CAGE1: variants seen among roughly 807,000 people sequenced by gnomAD.
The protein encoded by CAGE1 is cancer antigen 1, also known as cancer-associated gene 1 protein.
CAGE1 carries 66 observed loss-of-function variants against 94.9 expected under a neutral mutation model. That is an observed-to-expected ratio of 0.70 (90% CI 0.57 to 0.85). The LOEUF (loss-of-function observed/expected upper bound fraction) is 0.85, where lower values mean the gene tolerates loss of function less well. Among genes scored for constraint, CAGE1 ranks in the 40% least tolerant of loss-of-function variants. CAGE1 has a pLI of 0.00. For missense variants in CAGE1, 865 were observed against 950.4 expected, an observed-to-expected ratio of 0.91 and a Z score of 1.18; for synonymous variants, 319 against 321.0, an observed-to-expected ratio of 0.99 and a Z score of 0.07.
intron 11 of CAGE1, among the ~76,000 whole-genome samples, chr6:7,352,316 CAA>C (rs70978959): frequency 6.5e-5 from 6 of 91,874 alleles, no homozygotes; most frequent in Admixed American, 3.3e-4. Flanking sequence ...CAAAAAAAAA[CAA>C]AAAAAAAAAA....
Position 7,373,583 on chromosome 6 carries a change from C to A in CAGE1, c.1236G>T (p.Lys412Asn), listed in dbSNP as rs760183390. ...GTAAACACACATAATTAGCCTTGAT[C>A]TTCTTAAATTGAAGCTGTAACATTT... ...DKEMLQLQFK[K>N]IKANYVCLQE... is the part of the protein sequence containing the mutation. Residue 412 changes from lysine (K) to asparagine (N), a missense_variant, in exon 5 of 14, where the codon AAG (lysine) becomes AAT (asparagine). By Grantham distance (94) the Lys-to-Asn change is moderately conservative. Transcript: ENST00000502583. 7.4e-6 allele frequency: 12 copies of A among 1,613,266 alleles called. No individual in the cohort carries two copies. The highest frequency in any genetic ancestry group is 7.6e-6 in the Non-Finnish European group (9 of 1,179,744).
chr6:7,375,073 A>G (rs2113456248), intron 4 of CAGE1, among the ~76,000 whole-genome samples: 1 of 151,376 alleles, frequency 6.6e-6, no homozygotes, highest in East Asian at 1.9e-4. Flanking sequence ...AAAAATAAAA[A>G]AAGACAGTAA....
At chr6:7,343,198 A>AAAAAAAGAAAAG (rs574460085) in intron 11 of CAGE1, among the ~76,000 whole-genome samples, 3 of 137,318 alleles carry the variant, frequency 2.2e-5, no homozygotes, top group African/African-American at 5.7e-5. Flanking sequence ...CACAAAAAAA[A>AAAAAAAGAAAAG]AAAAGAAAAG....
chr6:7,331,734 C>T (rs544886698), intron 12 of CAGE1: 107 of 166,922 alleles, frequency 6.4e-4, no homozygotes, highest in Non-Finnish European at 1.0e-3. Flanking sequence ...ACTTGGGCTC[C>T]TCTCCCGCTT....
chr6:7,332,636 C>A (rs751027400), intron 12 of CAGE1, among the ~76,000 whole-genome samples: 1 of 152,174 alleles, frequency 6.6e-6, no homozygotes, highest in African/African-American at 2.4e-5. Flanking sequence ...CGTTTCAAAG[C>A]TCTTTAGGTG....
chr6:7,359,293 C>T (rs1354450682), intron 9 of CAGE1, among the ~76,000 whole-genome samples: 1 of 152,180 alleles, frequency 6.6e-6, no homozygotes, highest in African/African-American at 2.4e-5. Flanking sequence ...GTGATCCACC[C>T]ACCTCGGCCT....
chr6:7,370,868 G>A (rs966293588), intron 5 of CAGE1, among the ~76,000 whole-genome samples: 5 of 152,056 alleles, frequency 3.3e-5, no homozygotes, highest in Non-Finnish European at 2.9e-5. Context: ...AAATACTTTT[G>A]ACTTCACAGA....
At chr6:7,367,792 G>C (rs1760403423) in intron 7 of CAGE1, among the ~76,000 whole-genome samples, 1 of 152,128 alleles carries the variant, frequency 6.6e-6, no homozygotes, top group African/African-American at 2.4e-5. Context: ...TTCCAGGTTT[G>C]AATACGTTTT....
intron 9 of CAGE1, among the ~76,000 whole-genome samples, chr6:7,363,926 C>T (rs1213273193): frequency 6.6e-6 from 1 of 152,164 alleles, no homozygotes; most frequent in Non-Finnish European, 1.5e-5. Flanking sequence ...CTTTTAATAG[C>T]TTACATTCTT....
At chr6:7,384,878 A>G (rs1360803078) in intron 3 of CAGE1, among the ~76,000 whole-genome samples, 3 of 152,058 alleles carry the variant, frequency 2.0e-5, no homozygotes, top group Admixed American at 2.0e-4. Flanking sequence ...TTGTATTTTT[A>G]GTAGAGACGG....
intron 4 of CAGE1, among the ~76,000 whole-genome samples, chr6:7,377,804 T>C (rs1448113781): frequency 2.0e-5 from 3 of 152,146 alleles, no homozygotes; most frequent in Admixed American, 6.5e-5. Flanking sequence ...TTTTATCTAT[T>C]TTCCCATACC....
chr6:7,343,198 A>AAAAAAGAAAAGAAAAGAAAAGAAAAG (rs574460085), intron 11 of CAGE1, among the ~76,000 whole-genome samples: 2 of 137,358 alleles, frequency 1.5e-5, no homozygotes, highest in African/African-American at 2.8e-5. Context: ...CACAAAAAAA[A>AAAAAAGAAAAGAAAAGAAAAGAAAAG]AAAAGAAAAG....
chr6:7,365,307 AC>A (rs1308932734), intron 9 of CAGE1, among the ~76,000 whole-genome samples, 160 bp downstream of exon 9: 2 of 152,210 alleles, frequency 1.3e-5, no homozygotes, highest in Non-Finnish European at 2.9e-5. Context: ...CAAAATGCAA[AC>A]TTCGATTCTA....
intron 3 of CAGE1, 134 bp downstream of exon 3, chr6:7,385,651 C>T (rs1314687097): frequency 4.6e-6 from 2 of 431,988 alleles, no homozygotes; most frequent in Non-Finnish European, 4.0e-6. Context: ...ATTCTTATTT[C>T]AATAAGATTT....
intron 11 of CAGE1, among the ~76,000 whole-genome samples, chr6:7,347,049 T>A (rs975028536): frequency 6.6e-6 from 1 of 152,306 alleles, no homozygotes; most frequent in African/African-American, 2.4e-5. Flanking sequence ...TTACATTTTT[T>A]AATTTAAAAA....
intron 4 of CAGE1, among the ~76,000 whole-genome samples, chr6:7,374,752 G>A (rs905112987): frequency 6.6e-6 from 1 of 152,154 alleles, no homozygotes; most frequent in Non-Finnish European, 1.5e-5. Context: ...ACAGTAGGCC[G>A]GGCGAGGTAG....
intron 1 of CAGE1, 127 bp downstream of exon 1, chr6:7,389,075 T>C (rs1025776785): frequency 9.3e-6 from 3 of 322,098 alleles, no homozygotes; most frequent in Non-Finnish European, 1.9e-5. Flanking sequence ...TATCAAATGT[T>C]TGAATAGATG....
rs1248451837 is a variant in CAGE1 at position 7,326,913 on chromosome 6, G to A, written c.2479-14C>T. 11 of 1,579,376 alleles carry A rather than the reference G, an allele frequency of 7.0e-6. No homozygotes were observed. The highest frequency in any genetic ancestry group is 1.3e-5 in the African/African-American group (1 of 74,288). ...AAGAGCTGGCATCTAAAAATGAAAG[G>A]AAAAATGTTTCGTAAGTTTTGGGGA... On this transcript the variant is annotated splice_polypyrimidine_tract_variant and intron_variant, in intron 13 of 13. Transcript: ENST00000502583.
chr6:7,336,640 G>A (rs1758961253), intron 11 of CAGE1, among the ~76,000 whole-genome samples: 1 of 152,126 alleles, frequency 6.6e-6, no homozygotes. Context: ...TTCCCGAATA[G>A]CTGGGATTAC....
Sources: gnomAD v4.1 joint callset for allele counts (sites outside exome capture counted in the v4.1 genomes callset) on GRCh38, gnomAD v4.1.1 for gene constraint, MANE v1.5 for transcripts, NCBI Gene and HGNC (gene_info 2026-07-23, HGNC 2026-07-21) for gene names.